Variants in GSDME observed in about 807,000 individuals in gnomAD.
GSDME encodes gasdermin-E.
Under a neutral mutation model 47.5 loss-of-function variants are expected in GSDME, and 44 were observed. That is an observed-to-expected ratio of 0.93 (90% CI 0.73 to 1.19). The LOEUF is 1.19. Among genes scored for constraint, GSDME ranks in the 50% most tolerant of loss-of-function variants. The pLI is 0.00. For synonymous variants in GSDME, 258 were observed against 252.8 expected, an observed-to-expected ratio of 1.02 and a Z score of -0.20; for missense variants, 663 against 604.2, an observed-to-expected ratio of 1.10 and a Z score of -1.02.
chr7:24,794,404 G>A, the GSDME span, among the ~76,000 whole-genome samples: 1 of 152,070 alleles, frequency 6.6e-6, no homozygotes, highest in Non-Finnish European at 1.5e-5. Context: ...GGAGAGACCG[G>A]CGGGAGTAGA....
intron 5 of GSDME, among the ~76,000 whole-genome samples, chr7:24,711,498 C>T (rs1243304798): frequency 4.6e-5 from 7 of 152,022 alleles, no homozygotes; most frequent in Admixed American, 4.6e-4. Flanking sequence ...AGGTGTGAGC[C>T]ACTGCTCCAG....
At chr7:24,707,664 AACAG>A (rs1250224682) in intron 7 of GSDME, 3 of 347,472 alleles carry the variant, frequency 8.6e-6, no homozygotes, top group South Asian at 2.7e-5. Flanking sequence ...GTGTCTTTAT[AACAG>A]ACAGTAAAGG....
rs1014800001 is a variant in GSDME at position 24,717,335 on chromosome 7, T to G, written c.616A>C (p.Asn206His). 5 of 1,614,108 alleles carry G rather than the reference T, an allele frequency of 3.1e-6. No homozygotes were observed. The highest frequency in any genetic ancestry group is 3.4e-6 in the Non-Finnish European group (4 of 1,180,024). Reference protein sequence around the residue: ...TEDGNVTKDSNVVLEIPAATT... With the variant: ...TEDGNVTKDSHVVLEIPAATT... ...GCAGCTGGGATCTCCAGCACCACGT[T>G]GGAGTCCTTGGTGACATTCCCATCC... Residue 206 changes from asparagine to histidine, a missense_variant, in exon 5 of 10, where the codon AAC becomes CAC. Asn to His is a moderately conservative substitution (Grantham distance 68, BLOSUM62 1). Coordinates refer to ENST00000645220, the MANE Select transcript of GSDME (RefSeq NM_001127453.2).
chr7:24,701,469 G>T, intron 9 of GSDME, among the ~76,000 whole-genome samples: 1 of 151,696 alleles, frequency 6.6e-6, no homozygotes, highest in East Asian at 1.9e-4. Flanking sequence ...GTCACAGAAG[G>T]GGTTAGATAA....
At chr7:24,715,989 C>T (rs866407661) in intron 5 of GSDME, among the ~76,000 whole-genome samples, 1 of 152,210 alleles carries the variant, frequency 6.6e-6, no homozygotes, top group African/African-American at 2.4e-5. Context: ...GACAGCAGCA[C>T]ACGAGGACAC....
the GSDME span, among the ~76,000 whole-genome samples, chr7:24,766,289 A>G: frequency 2.9e-5 from 4 of 138,700 alleles, no homozygotes; most frequent in Non-Finnish European, 6.3e-5. The surrounding 1 kb of genome is among the most constrained non-coding windows in gnomAD (Gnocchi z 4.2). Flanking sequence ...CCTGCACAAC[A>G]CTTTATTTAT....
rs894766651 is a variant in GSDME at position 24,757,028 on chromosome 7, A to AG, written c.-20+367dup. On this transcript the variant is annotated intron_variant, in intron 1 of 9. Coordinates refer to ENST00000645220, the MANE Select transcript of GSDME (RefSeq NM_001127453.2). This position sits in a 1 kb window ranked among gnomAD's most constrained non-coding sequence, Gnocchi z 5.9. ...GAACACAAAGGATGAACGAATGGGG[A>AG]GGGGGGGTTTGGGGGGTTGGGAGAA... Among the ~76,000 whole-genome samples, 10 of 140,356 alleles carry AG rather than the reference A, an allele frequency of 7.1e-5. No homozygotes were observed. The highest frequency in any genetic ancestry group is 7.1e-4 in the East Asian group (3 of 4,248). The allele number at this position is 140,356 out of a possible 152,430, so 92.1% of individuals were successfully genotyped here.
intron 3 of GSDME, among the ~76,000 whole-genome samples, chr7:24,723,060 C>A (rs567742723): frequency 1.3e-5 from 2 of 152,250 alleles, no homozygotes; most frequent in East Asian, 3.8e-4. Context: ...CCGGAAACTG[C>A]AGGCATCATC....
chr7:24,725,288 G>A lies in GSDME; in HGVS notation c.405-6070C>T, dbSNP rs1789928468. On this transcript the variant is annotated intron_variant, in intron 3 of 9. Coordinates refer to ENST00000645220, the MANE Select transcript of GSDME (RefSeq NM_001127453.2). The surrounding 1 kb of genome is among the most constrained non-coding windows in gnomAD (Gnocchi z 5.1). The stretch of plus-strand genomic sequence containing the variant: ...TAAATGACCCACACTCTACCCAGCA[G>A]ATGGCAGGGGCTCTGTAAATGTTTT... Among the ~76,000 whole-genome samples the A allele has an allele frequency of 6.6e-6, 1 of 152,210 alleles. No homozygotes were observed. The highest frequency in any genetic ancestry group is 2.4e-5 in the African/African-American group (1 of 41,458).
chr7:24,707,725 A>G (rs1789172660), intron 7 of GSDME: 1 of 417,272 alleles, frequency 2.4e-6, no homozygotes, highest in African/African-American at 2.0e-5. Flanking sequence ...ATGGAGACAG[A>G]GCAGAGGCTG....
intron 5 of GSDME, among the ~76,000 whole-genome samples, chr7:24,711,659 T>A (rs1789358678): frequency 6.6e-6 from 1 of 151,838 alleles, no homozygotes; most frequent in East Asian, 2.0e-4. Context: ...TACAAAAAAA[T>A]TTAAAATGAG....
chr7:24,742,792 A>G lies in GSDME; in HGVS notation c.404+1770T>C, dbSNP rs772973278. On this transcript the variant is annotated intron_variant, in intron 3 of 9. Coordinates refer to ENST00000645220, the MANE Select transcript of GSDME (RefSeq NM_001127453.2). The surrounding 1 kb of genome is among the most constrained non-coding windows in gnomAD (Gnocchi z 4.4). The stretch of plus-strand genomic sequence containing the variant: ...TTCCCCAGTGCCACCAGATTTAGCA[A>G]ATGAAAATGTAAGACACCCAGTTAA... Among the ~76,000 whole-genome samples, 138 of 152,330 alleles carry G rather than the reference A, an allele frequency of 9.1e-4. No homozygotes were observed. The highest frequency in any genetic ancestry group is 2.3e-3 in the South Asian group (11 of 4,820).
At chr7:24,777,175 G>A in the GSDME span, among the ~76,000 whole-genome samples, 1 of 152,046 alleles carries the variant, frequency 6.6e-6, no homozygotes, top group Admixed American at 6.5e-5. Context: ...TTCCTTACAC[G>A]GGTTGAACTC....
At chr7:24,730,817 CA>C (rs953482797) in intron 3 of GSDME, among the ~76,000 whole-genome samples, 12 of 151,090 alleles carry the variant, frequency 7.9e-5, no homozygotes, top group African/African-American at 2.7e-4. Flanking sequence ...GACTCCGTCT[CA>C]AAAAAAATAA....
intron 5 of GSDME, chr7:24,717,043 C>T (rs1034785807): frequency 3.3e-6 from 2 of 597,270 alleles, no homozygotes; most frequent in African/African-American, 3.7e-5. Context: ...GAGAGGGTGG[C>T]ATTGCTCCAG....
the GSDME span, among the ~76,000 whole-genome samples, chr7:24,792,492 A>G: frequency 1.3e-5 from 2 of 152,244 alleles, no homozygotes; most frequent in Non-Finnish European, 2.9e-5. Flanking sequence ...TGACTTGGCA[A>G]GTCCCCACAA....
the GSDME span, among the ~76,000 whole-genome samples, chr7:24,788,463 C>T: frequency 6.6e-6 from 1 of 152,338 alleles, no homozygotes; most frequent in East Asian, 1.9e-4. This position sits in a 1 kb window ranked among gnomAD's most constrained non-coding sequence, Gnocchi z 4.6. Context: ...TCGGTGACTT[C>T]AGCCTGCTCA....
chr7:24,766,755 A>G, the GSDME span, among the ~76,000 whole-genome samples: 1 of 152,234 alleles, frequency 6.6e-6, no homozygotes, highest in Non-Finnish European at 1.5e-5. The surrounding 1 kb of genome is among the most constrained non-coding windows in gnomAD (Gnocchi z 4.2). Flanking sequence ...ACAGTGCCAC[A>G]GTAAACATAC....
Position 24,706,098 on chromosome 7 carries a change from C to T in GSDME, c.1183+86G>A, listed in dbSNP as rs115073530. ...TATGTACCATATCTTCCACAGTTAC[C>T]ACCTCTGTGTCCCCAGAAGCATAGA... On this transcript the variant is annotated intron_variant, in intron 8 of 9. Transcript: ENST00000645220. The T allele has an allele frequency of 1.3e-3, 1,909 of 1,498,778 alleles. 16 individuals carry two copies. In the African/African-American group the frequency reaches 0.019, roughly 15 times the overall value. The allele number at this position is 1,498,778 out of a possible 1,614,324, so 92.8% of individuals were successfully genotyped here. A position where few individuals can be genotyped will look rare whatever the true frequency, so the allele number is the denominator to read the frequency against.
Sources: allele counts gnomAD v4.1 joint callset (sites outside exome capture counted in the v4.1 genomes callset), GRCh38; gene constraint gnomAD v4.1.1; non-coding constraint Gnocchi (gnomAD v3.1); transcripts MANE v1.5; gene names NCBI Gene and HGNC (gene_info 2026-07-23, HGNC 2026-07-21).